The following SORCS1 variants were observed in gnomAD, a reference collection of about 807,000 sequenced individuals.
SORCS1 encodes the protein sortilin related VPS10 domain containing receptor 1, also known as VPS10 domain-containing receptor SorCS1.
SORCS1 carries 60 observed loss-of-function variants against 146.1 expected under a neutral mutation model. The ratio of observed to expected loss-of-function variants is 0.41; its 90% CI spans 0.33 to 0.51. The LOEUF is 0.51. Ranked by LOEUF, SORCS1 falls within the 20% of genes least tolerant of loss-of-function variation. SORCS1 has a pLI of 0.21. For synonymous variants in SORCS1, 637 were observed against 584.0 expected (o/e 1.09, Z -1.31); for missense variants, 1,352 against 1,487.6 (o/e 0.91, Z 1.50).
At chr10:106,634,090 T>C (rs1848589543) in intron 18 of SORCS1, among the ~76,000 whole-genome samples, 3 of 152,192 alleles carry the variant, frequency 2.0e-5, no homozygotes, top group African/African-American at 7.2e-5. Context: ...GGTGTATTAA[T>C]AAGGCTGGGA....
At chr10:107,022,106 G>T (rs1263688547) in intron 1 of SORCS1, among the ~76,000 whole-genome samples, 1 of 152,164 alleles carries the variant, frequency 6.6e-6, no homozygotes, top group African/African-American at 2.4e-5. Context: ...GATGGAGGAG[G>T]ATTGCAGGGG....
intron 5 of SORCS1, among the ~76,000 whole-genome samples, chr10:106,735,538 G>A (rs1021213815): frequency 6.6e-6 from 1 of 152,196 alleles, no homozygotes; most frequent in East Asian, 1.9e-4. Context: ...AAATCTTCAA[G>A]TATATGCAGC....
chr10:107,026,915 G>A (rs1038971323), intron 1 of SORCS1, among the ~76,000 whole-genome samples: 1 of 151,436 alleles, frequency 6.6e-6, no homozygotes, highest in African/African-American at 2.4e-5. Context: ...AAATATGAGA[G>A]CATTGCTTAA....
chr10:106,783,119 CT>C (rs141279383), intron 3 of SORCS1, among the ~76,000 whole-genome samples: 15 of 152,014 alleles, frequency 9.9e-5, no homozygotes. Flanking sequence ...TCATTAAATC[CT>C]TTTTTTGAGT....
In SORCS1 at chr10:107,164,597, C is replaced by T; in HGVS notation, c.-71G>A. ...GGCGGCACGAGCTCTGCGCTGGCGG[C>T]TGTGGGGGGCCGGCGCTCAGGACCC... On this transcript the variant is annotated 5_prime_UTR_variant, in exon 1 of 26. Transcript: ENST00000263054. The surrounding 1 kb of genome is among the most constrained non-coding windows in gnomAD (Gnocchi z 6.8). 8.1e-7 allele frequency: 1 copy of T among 1,234,220 alleles called. No homozygotes were observed. Among genetic ancestry groups the T allele is most frequent in the Non-Finnish European group, 1.0e-6 (1 of 969,422 alleles). The allele number at this position is 1,234,220 out of a possible 1,614,324, so 76.5% of individuals were successfully genotyped here.
At chr10:106,962,897 G>T (rs1482391663) in intron 1 of SORCS1, among the ~76,000 whole-genome samples, 1 of 152,104 alleles carries the variant, frequency 6.6e-6, no homozygotes, top group Admixed American at 6.6e-5. Flanking sequence ...CTTACAGCAG[G>T]CCTTAGTGTT....
chr10:106,607,042 G>A (rs1250922194), intron 23 of SORCS1, 124 bp downstream of exon 23: 1 of 1,288,982 alleles, frequency 7.8e-7, no homozygotes, highest in Admixed American at 2.1e-5. Flanking sequence ...GAATGCTCTT[G>A]CATGTGCTTT....
chr10:106,606,284 C>G (rs61867032), intron 23 of SORCS1, among the ~76,000 whole-genome samples: 1 of 26,106 alleles, frequency 3.8e-5, no homozygotes, highest in Non-Finnish European at 1.9e-4. Context: ...TACACACACA[C>G]ACACACACAC....
intron 4 of SORCS1, among the ~76,000 whole-genome samples, chr10:106,766,871 A>C (rs1859613781): frequency 6.6e-6 from 1 of 152,238 alleles, no homozygotes; most frequent in African/African-American, 2.4e-5. Flanking sequence ...CGGGCTTTGT[A>C]ATACAATTAA....
At chr10:107,128,535 T>G (rs1966836506) in intron 1 of SORCS1, among the ~76,000 whole-genome samples, 1 of 152,170 alleles carries the variant, frequency 6.6e-6, no homozygotes, top group African/African-American at 2.4e-5. Flanking sequence ...ATTTCTAAAA[T>G]GGAAGTAACA....
At chr10:106,979,686 A>G (rs1956172930) in intron 1 of SORCS1, among the ~76,000 whole-genome samples, 1 of 152,168 alleles carries the variant, frequency 6.6e-6, no homozygotes, top group South Asian at 2.1e-4. Context: ...CTTGAAGGAT[A>G]TGGGCTCTCC....
At chr10:106,854,287 G>C (rs1184945244) in intron 2 of SORCS1, among the ~76,000 whole-genome samples, 1 of 151,920 alleles carries the variant, frequency 6.6e-6, no homozygotes, top group Non-Finnish European at 1.5e-5. Flanking sequence ...CTTCTAATTA[G>C]TGTTAGCATG....
chr10:106,951,653 A>AAAAAT lies in SORCS1; in HGVS notation c.626+4859_626+4860insATTTT, dbSNP rs1954692115. Among the ~76,000 whole-genome samples the AAAAAT allele has an allele frequency of 2.0e-5, 3 of 152,330 alleles. No homozygotes were observed. The South Asian group carries it at 6.2e-4, about 32-fold the overall frequency. Reference sequence around the variant, plus strand: ...ATCAATACAACACTGTTGAATAAATAAAAGAAATAAAATACAATATAATAA... The same window carrying AAAAAT: ...ATCAATACAACACTGTTGAATAAATAAAAATAAAGAAATAAAATACAATATAATAA... On this transcript the variant is annotated intron_variant, in intron 2 of 25. Transcript: ENST00000263054.
chr10:107,001,796 C>T (rs1233253103), intron 1 of SORCS1, among the ~76,000 whole-genome samples: 1 of 152,202 alleles, frequency 6.6e-6, no homozygotes, highest in Non-Finnish European at 1.5e-5. Context: ...GTATTTGCTT[C>T]AAGTCAGCTT....
intron 16 of SORCS1, 75 bp downstream of exon 16, chr10:106,671,162 A>G (rs1281281191): frequency 6.3e-7 from 1 of 1,588,388 alleles, no homozygotes; most frequent in African/African-American, 1.3e-5. Flanking sequence ...CTATTATTTC[A>G]ATTCTAAGCT....
chr10:107,054,427 G>C (rs747614884), intron 1 of SORCS1, among the ~76,000 whole-genome samples: 1 of 152,112 alleles, frequency 6.6e-6, no homozygotes, highest in Non-Finnish European at 1.5e-5. Context: ...GGGAAAAAAT[G>C]GACCAGGTAA....
chr10:106,636,889 C>T (rs1045677250), intron 18 of SORCS1, among the ~76,000 whole-genome samples: 1 of 152,210 alleles, frequency 6.6e-6, no homozygotes, highest in Non-Finnish European at 1.5e-5. Context: ...CTCTGTGGTG[C>T]TCATTCCCAG....
At chr10:106,701,555 G>A (rs1035916878) in intron 8 of SORCS1, among the ~76,000 whole-genome samples, 23 of 152,194 alleles carry the variant, frequency 1.5e-4, no homozygotes, top group Admixed American at 2.0e-4. Flanking sequence ...TATCTTGGAG[G>A]TAAAGGATGA....
chr10:107,165,323 T>TGTGTGTG (rs1970017278), upstream of SORCS1, among the ~76,000 whole-genome samples: 1 of 72,528 alleles, frequency 1.4e-5, no homozygotes, highest in Non-Finnish European at 3.1e-5. The surrounding 1 kb of genome is among the most constrained non-coding windows in gnomAD (Gnocchi z 4.0). Context: ...GTGTGTGTGT[T>TGTGTGTG]AGTTTGGGGG....
Sources: gnomAD v4.1 joint callset for allele counts (sites outside exome capture counted in the v4.1 genomes callset) on GRCh38, gnomAD v4.1.1 for gene constraint, Gnocchi (gnomAD v3.1) non-coding constraint, MANE v1.5 for transcripts, NCBI Gene and HGNC (gene_info 2026-07-23, HGNC 2026-07-21) for gene names.